Variants in TASP1 observed in about 807,000 individuals in gnomAD.
The protein encoded by TASP1 is threonine aspartase 1.
Under a neutral mutation model 56.6 loss-of-function variants are expected in TASP1, and 16 were observed. That is an observed-to-expected ratio of 0.28 (90% CI 0.19 to 0.43). The LOEUF is 0.43. Ranked by LOEUF, TASP1 falls within the 20% of genes least tolerant of loss-of-function variation. The pLI is 1.00. For synonymous variants in TASP1, 179 were observed against 184.2 expected (o/e 0.97, Z 0.23); for missense variants, 393 against 511.6 (o/e 0.77, Z 2.24).
At chr20:13,246,563 A>G in the TASP1 span, among the ~76,000 whole-genome samples, 3 of 152,320 alleles carry the variant, frequency 2.0e-5, no homozygotes, top group East Asian at 5.8e-4. Context: ...CGTGCTTTCC[A>G]AAATGCCTTC....
the TASP1 span, among the ~76,000 whole-genome samples, chr20:13,380,497 A>G: frequency 2.6e-5 from 4 of 152,100 alleles, no homozygotes; most frequent in Non-Finnish European, 5.9e-5. Context: ...GCTCTCCTGT[A>G]TGAGGTGTCT....
intron 4 of TASP1, chr20:13,600,743 TAAAA>T (rs1359126547): frequency 6.6e-6 from 1 of 151,812 alleles, no homozygotes; most frequent in Non-Finnish European, 1.5e-5. Flanking sequence ...CAAAAGCAAT[TAAAA>T]AAAGCAAGCC....
the TASP1 span, among the ~76,000 whole-genome samples, chr20:13,106,456 G>A: frequency 1.3e-5 from 2 of 152,232 alleles, no homozygotes; most frequent in South Asian, 2.1e-4. Context: ...TATTATTGAC[G>A]AGAAGAGTTT....
intron 4 of TASP1, among the ~76,000 whole-genome samples, chr20:13,589,464 A>T (rs564686455): frequency 6.6e-6 from 1 of 152,322 alleles, no homozygotes; most frequent in African/African-American, 2.4e-5. Flanking sequence ...ATTAACTCAA[A>T]GTGGACCAAA....
chr20:13,564,216 T>C (rs1419741692), intron 7 of TASP1, among the ~76,000 whole-genome samples: 3 of 152,026 alleles, frequency 2.0e-5, no homozygotes, highest in South Asian at 2.1e-4. Context: ...ACAAACCCAC[T>C]AGAACTAATA....
At chr20:13,187,797 C>G in the TASP1 span, among the ~76,000 whole-genome samples, 1 of 150,070 alleles carries the variant, frequency 6.7e-6, no homozygotes, top group African/African-American at 2.5e-5. Flanking sequence ...GAAAAAGCAC[C>G]TTACCTAAAG....
chr20:13,228,083 G>A, the TASP1 span, among the ~76,000 whole-genome samples: 4 of 147,722 alleles, frequency 2.7e-5, no homozygotes, highest in Non-Finnish European at 4.5e-5. Context: ...AGCGATTCTC[G>A]TGCCTCAGCC....
the TASP1 span, among the ~76,000 whole-genome samples, chr20:13,332,116 A>G: frequency 9.9e-5 from 15 of 152,202 alleles, no homozygotes; most frequent in East Asian, 2.5e-3. Flanking sequence ...TTTTCCTCCC[A>G]TGGACAATTT....
At chr20:13,631,292 T>G (rs1023523723) in intron 1 of TASP1, among the ~76,000 whole-genome samples, 1 of 152,156 alleles carries the variant, frequency 6.6e-6, no homozygotes, top group South Asian at 2.1e-4. Flanking sequence ...AGGAAAAAAT[T>G]TTTACTACAA....
chr20:13,403,644 G>GC (rs1342751326), intron 13 of TASP1, among the ~76,000 whole-genome samples: 3 of 152,202 alleles, frequency 2.0e-5, no homozygotes, highest in African/African-American at 7.2e-5. Context: ...TAATTCTAAA[G>GC]CCCATGCTGT....
the TASP1 span, among the ~76,000 whole-genome samples, chr20:13,363,199 C>A: frequency 1.3e-5 from 2 of 152,152 alleles, no homozygotes; most frequent in Admixed American, 1.3e-4. Context: ...ACCAGAAAGA[C>A]CAAATCTTGA....
At chr20:13,226,775 AT>A in the TASP1 span, among the ~76,000 whole-genome samples, 1 of 152,218 alleles carries the variant, frequency 6.6e-6, no homozygotes, top group Non-Finnish European at 1.5e-5. Context: ...AAAAGCAGAA[AT>A]TGCAAGACCT....
the TASP1 span, among the ~76,000 whole-genome samples, chr20:13,253,312 C>T: frequency 6.6e-6 from 1 of 151,704 alleles, no homozygotes; most frequent in African/African-American, 2.4e-5. Flanking sequence ...CCTTCCCTCA[C>T]GGTGTTATCA....
the TASP1 span, among the ~76,000 whole-genome samples, chr20:13,137,399 T>C: frequency 1.3e-5 from 2 of 152,204 alleles, no homozygotes; most frequent in Admixed American, 6.5e-5. Flanking sequence ...TTTTGGCCTC[T>C]GGGAGAAGGC....
chr20:13,427,234 C>G (rs769749854), intron 12 of TASP1, among the ~76,000 whole-genome samples: 158 of 152,116 alleles, frequency 1.0e-3, no homozygotes, highest in Non-Finnish European at 1.8e-3. Context: ...AGTAAAATAA[C>G]CTTTTATCTT....
Position 13,561,878 on chromosome 20 carries a change from C to CAA in TASP1, c.569-2766_569-2765dup, listed in dbSNP as rs78221547. ...TTAAATGTAATCCCCATTGTAACCA[C>CAA]AAAAAAAAATAGCAAGACAATATAC... is the stretch of plus-strand genomic sequence containing the variant. On this transcript the variant is annotated intron_variant, in intron 7 of 13. Transcript: ENST00000337743. Among the ~76,000 whole-genome samples, 381 of 149,656 alleles carry CAA rather than the reference C, an allele frequency of 2.5e-3. 1 individual carries two copies. Among genetic ancestry groups the CAA allele is most frequent in the Non-Finnish European group, 3.6e-3 (244 of 67,360 alleles).
intron 4 of TASP1, among the ~76,000 whole-genome samples, chr20:13,616,102 C>A (rs1453536548): frequency 2.0e-5 from 3 of 151,940 alleles, no homozygotes; most frequent in Non-Finnish European, 4.4e-5. Context: ...CACAATCATT[C>A]AAAAATCACA....
At chr20:13,335,323 T>TGC in the TASP1 span, among the ~76,000 whole-genome samples, 14 of 118,214 alleles carry the variant, frequency 1.2e-4, no homozygotes, top group African/African-American at 4.9e-4. Context: ...CCCTCACCTA[T>TGC]GCACACACAC....
chr20:13,258,372 C>G, the TASP1 span, among the ~76,000 whole-genome samples: 1 of 152,086 alleles, frequency 6.6e-6, no homozygotes, highest in Non-Finnish European at 1.5e-5. Flanking sequence ...GAGATGTGAG[C>G]TCTCCCTGGC....
Sources: allele counts gnomAD v4.1 joint callset (sites outside exome capture counted in the v4.1 genomes callset), GRCh38; gene constraint gnomAD v4.1.1; transcripts MANE v1.5; gene names NCBI Gene and HGNC (gene_info 2026-07-23, HGNC 2026-07-21).